NKAIN1: variants seen among roughly 807,000 people sequenced by gnomAD.
The protein encoded by NKAIN1 is sodium/potassium transporting ATPase interacting 1.
NKAIN1 carries 13 observed loss-of-function variants against 31.6 expected under a neutral mutation model. The observed-to-expected ratio is 0.41, with a 90% CI of 0.27 to 0.65. The LOEUF is 0.65. Ranked by LOEUF, NKAIN1 falls within the 30% of genes least tolerant of loss-of-function variation. NKAIN1 has a pLI of 0.30. For missense variants in NKAIN1, 193 were observed against 262.2 expected (o/e 0.74, Z 1.82); for synonymous variants, 104 against 109.0 (o/e 0.95, Z 0.28).
chr1:31,193,639 T>C (rs1645303088), intron 1 of NKAIN1, among the ~76,000 whole-genome samples: 1 of 152,014 alleles, frequency 6.6e-6, no homozygotes, highest in Admixed American at 6.6e-5. Flanking sequence ...GAGGTTGCAG[T>C]GAGCTGAGAT....
chr1:31,210,154 T>C (rs1286988410), intron 1 of NKAIN1, among the ~76,000 whole-genome samples: 6 of 152,136 alleles, frequency 3.9e-5, no homozygotes, highest in Admixed American at 3.9e-4. Flanking sequence ...TATGTCTTAG[T>C]AATGCATCTC....
intron 1 of NKAIN1, among the ~76,000 whole-genome samples, chr1:31,213,114 AGTT>A (rs1645483566): frequency 8.2e-6 from 1 of 121,550 alleles, no homozygotes; most frequent in Non-Finnish European, 1.7e-5. Context: ...GTACAGATAA[AGTT>A]GTTGAGGATA....
chr1:31,222,270 A>G (rs1645570678), intron 1 of NKAIN1, among the ~76,000 whole-genome samples: 1 of 152,214 alleles, frequency 6.6e-6, no homozygotes, highest in Non-Finnish European at 1.5e-5. Context: ...CTGGCCTGAC[A>G]TGGAGACTCC....
At chr1:31,205,256 G>A (rs1356009368) in intron 1 of NKAIN1, among the ~76,000 whole-genome samples, 2 of 151,768 alleles carry the variant, frequency 1.3e-5, no homozygotes, top group Middle Eastern at 3.4e-3. Flanking sequence ...CCAGCCTCCC[G>A]AGTAGCTGGG....
chr1:31,191,009 G>A (rs994181987), intron 1 of NKAIN1, among the ~76,000 whole-genome samples: 2 of 152,206 alleles, frequency 1.3e-5, no homozygotes, highest in African/African-American at 2.4e-5. Context: ...TTCCACCTAA[G>A]GCTGGGCGCA....
intron 1 of NKAIN1, among the ~76,000 whole-genome samples, chr1:31,214,530 C>G (rs964528096): frequency 6.6e-6 from 1 of 151,190 alleles, no homozygotes; most frequent in Admixed American, 6.6e-5. Flanking sequence ...TGTATGTGTA[C>G]ATGTGTATGT....
chr1:31,217,558 T>C (rs566698501), intron 1 of NKAIN1, among the ~76,000 whole-genome samples: 6 of 152,300 alleles, frequency 3.9e-5, no homozygotes, highest in Non-Finnish European at 7.4e-5. Context: ...ATCAAGACCA[T>C]GGGGAAAGGC....
chr1:31,235,621 G>A (rs558427088), intron 1 of NKAIN1, among the ~76,000 whole-genome samples: 1 of 152,252 alleles, frequency 6.6e-6, no homozygotes, highest in African/African-American at 2.4e-5. Flanking sequence ...GCAACACAGT[G>A]AGACGCCTAT....
chr1:31,227,275 T>C (rs1645615441), intron 1 of NKAIN1, among the ~76,000 whole-genome samples: 1 of 152,140 alleles, frequency 6.6e-6, no homozygotes, highest in Admixed American at 6.6e-5. Flanking sequence ...AGAGTCCTCA[T>C]CTAGGAAACG....
chr1:31,199,432 C>CA (rs1217171941), intron 1 of NKAIN1, among the ~76,000 whole-genome samples: 2 of 152,146 alleles, frequency 1.3e-5, no homozygotes, highest in Non-Finnish European at 2.9e-5. Context: ...CCCCTTTTCC[C>CA]AATGGATTTC....
At chr1:31,187,165 G>A (rs943371047) in intron 2 of NKAIN1, among the ~76,000 whole-genome samples, 1 of 152,212 alleles carries the variant, frequency 6.6e-6, no homozygotes, top group Non-Finnish European at 1.5e-5. Flanking sequence ...AGAAGTCCTA[G>A]AATGAGTGTG....
intron 1 of NKAIN1, among the ~76,000 whole-genome samples, chr1:31,213,128 C>CA (rs35873897): frequency 0.75 from 108,173 of 143,556 alleles, 40,945 homozygotes; most frequent in Middle Eastern, 0.9. Flanking sequence ...GTTGAGGATA[C>CA]AAAAAAAAAG....
At chr1:31,203,071 G>C (rs1339507087) in intron 1 of NKAIN1, among the ~76,000 whole-genome samples, 1 of 149,728 alleles carries the variant, frequency 6.7e-6, no homozygotes, top group Admixed American at 6.8e-5. Flanking sequence ...TCAGGAGTTC[G>C]AGACCAGCCT....
intron 1 of NKAIN1, among the ~76,000 whole-genome samples, chr1:31,201,660 C>T (rs1158266203): frequency 6.6e-6 from 1 of 152,202 alleles, no homozygotes; most frequent in African/African-American, 2.4e-5. Flanking sequence ...CGCGCCCGGC[C>T]AATCCTACCC....
At chr1:31,235,139 T>C (rs1328180253) in intron 1 of NKAIN1, among the ~76,000 whole-genome samples, 1 of 152,118 alleles carries the variant, frequency 6.6e-6, no homozygotes, top group Non-Finnish European at 1.5e-5. Flanking sequence ...ACTCCTGAAA[T>C]GGGAATGATA....
At chr1:31,185,467 T>C in intron 2 of NKAIN1, 140 bp from the exon 3 acceptor site, 1 of 686,144 alleles carries the variant, frequency 1.5e-6, no homozygotes, top group Admixed American at 2.3e-5. Flanking sequence ...ACAGTGTAGC[T>C]TACAAATCAT....
intron 1 of NKAIN1, among the ~76,000 whole-genome samples, chr1:31,198,246 C>A (rs1230044228): frequency 6.6e-6 from 1 of 152,106 alleles, no homozygotes; most frequent in African/African-American, 2.4e-5. Flanking sequence ...TATTAGAGTG[C>A]CCCAAAGCTA....
intron 1 of NKAIN1, among the ~76,000 whole-genome samples, chr1:31,221,082 G>C (rs557932282): frequency 6.6e-6 from 1 of 152,314 alleles, no homozygotes; most frequent in African/African-American, 2.4e-5. Context: ...GAGCATGCGG[G>C]AGTACAGAGA....
At chr1:31,188,225 T>G (rs1323879296) in intron 1 of NKAIN1, 38 bp from the exon 2 acceptor site, 1 of 1,546,104 alleles carries the variant, frequency 6.5e-7, no homozygotes, top group African/African-American at 1.4e-5. Context: ...GTCACCCCCC[T>G]GAAAGGGAAG....
Sources: gnomAD v4.1 joint callset for allele counts (sites outside exome capture counted in the v4.1 genomes callset) on GRCh38, gnomAD v4.1.1 for gene constraint, MANE v1.5 for transcripts, NCBI Gene and HGNC (gene_info 2026-07-23, HGNC 2026-07-21) for gene names.